IL18RAP: variants seen among roughly 807,000 people sequenced by gnomAD.
The protein encoded by IL18RAP is interleukin 18 receptor accessory protein.
IL18RAP carries 37 observed loss-of-function variants against 58.1 expected under a neutral mutation model. That is an observed-to-expected ratio of 0.64 (90% CI 0.49 to 0.84). IL18RAP has a LOEUF of 0.84. Among genes scored for constraint, IL18RAP ranks in the 40% least tolerant of loss-of-function variants. IL18RAP has a pLI of 0.00. For missense variants in IL18RAP, 667 were observed against 704.8 expected, an observed-to-expected ratio of 0.95 and a Z score of 0.61; for synonymous variants, 268 against 257.5, an observed-to-expected ratio of 1.04 and a Z score of -0.39.
chr2:102,424,150 C>G lies in IL18RAP; in HGVS notation c.395+15C>G. ...AAGATGATTAAGTATGATCCAAATA[C>G]ATTTCTATCTGAAAACATTTCCAAA... On this transcript the variant is annotated intron_variant, in intron 2 of 9. Transcript: ENST00000687160. The G allele has an allele frequency of 6.2e-7, 1 of 1,606,550 alleles. No individual in the cohort carries two copies. The highest frequency in any genetic ancestry group is 8.5e-7 in the Non-Finnish European group (1 of 1,175,004).
At chr2:102,427,908 C>A (rs1324456488) in intron 3 of IL18RAP, among the ~76,000 whole-genome samples, 1 of 151,044 alleles carries the variant, frequency 6.6e-6, no homozygotes. Flanking sequence ...ATTCTTCTCC[C>A]TGTAGATAGC....
intron 3 of IL18RAP, among the ~76,000 whole-genome samples, chr2:102,428,738 T>C (rs1682135464): frequency 6.6e-6 from 1 of 151,982 alleles, no homozygotes; most frequent in African/African-American, 2.4e-5. Flanking sequence ...CTTCCAGTGC[T>C]ATGATGAAAC....
At chr2:102,440,737 C>A (rs1241874331) in intron 4 of IL18RAP, among the ~76,000 whole-genome samples, 1 of 152,044 alleles carries the variant, frequency 6.6e-6, no homozygotes, top group Non-Finnish European at 1.5e-5. Context: ...ACAGCAAAGA[C>A]CCTGGATTTT....
chr2:102,440,224 AC>A (rs1396292360), intron 4 of IL18RAP: 1 of 152,602 alleles, frequency 6.6e-6, no homozygotes, highest in Non-Finnish European at 1.5e-5. Context: ...AGAGGAAGGG[AC>A]AGGCACAGAG....
intron 8 of IL18RAP, among the ~76,000 whole-genome samples, chr2:102,450,614 C>T (rs1043075432): frequency 2.6e-5 from 4 of 152,080 alleles, no homozygotes; most frequent in African/African-American, 9.7e-5. Context: ...AGCCATTTGA[C>T]CTAAAATCAG....
At chr2:102,423,489 T>C in intron 1 of IL18RAP, 142 bp downstream of exon 1, 1 of 798,576 alleles carries the variant, frequency 1.3e-6, no homozygotes. Flanking sequence ...AGGAGAATTA[T>C]TAGGGTGAAC....
intron 6 of IL18RAP, among the ~76,000 whole-genome samples, chr2:102,443,579 C>T (rs535182981): frequency 1.4e-4 from 22 of 152,294 alleles, no homozygotes; most frequent in African/African-American, 5.3e-4. Context: ...CTGACCCAGA[C>T]TGCTTGGAGA....
At position 102,423,824 on chromosome 2, in the gene IL18RAP, A is replaced by C; in HGVS notation, c.84A>C (p.Lys28Asn). The stretch of plus-strand genomic sequence containing the variant: ...TATGATTTTCAGGTTGTTCCACAAA[A>C]AAACTCCTTTGGACATATTCTACAA... ...KGFNISGCST[K>N]KLLWTYSTRS... The change falls in exon 2 of 10, where the codon AAA becomes AAC. Residue 28 changes from lysine (K) to asparagine (N), a missense_variant. Lys to Asn is a moderately conservative substitution (Grantham distance 94). Transcript: ENST00000687160. 1 of 1,611,150 alleles carries C rather than the reference A, an allele frequency of 6.2e-7. No individual in the cohort carries two copies. Among genetic ancestry groups the C allele is most frequent in the Non-Finnish European group, 8.5e-7 (1 of 1,177,882 alleles).
chr2:102,422,205 CCTT>C (rs1681619852), upstream of IL18RAP, among the ~76,000 whole-genome samples: 1 of 152,206 alleles, frequency 6.6e-6, no homozygotes, highest in Non-Finnish European at 1.5e-5. Flanking sequence ...ACTTTTCAGT[CCTT>C]CTCATGCCCA....
At chr2:102,431,697 G>A (rs56331791) in intron 3 of IL18RAP, among the ~76,000 whole-genome samples, 34,223 of 151,312 alleles carry the variant, frequency 0.23, 4,494 homozygotes, top group East Asian at 0.4. Context: ...TTATAGTTCA[G>A]GTATTATATT....
intron 8 of IL18RAP, among the ~76,000 whole-genome samples, chr2:102,448,780 T>A (rs918367727): frequency 6.6e-6 from 1 of 151,380 alleles, no homozygotes; most frequent in Non-Finnish European, 1.5e-5. Flanking sequence ...GGCAACATGG[T>A]GAAACCTGCC....
upstream of IL18RAP, among the ~76,000 whole-genome samples, chr2:102,421,417 G>A (rs777972136): frequency 6.6e-6 from 1 of 152,182 alleles, no homozygotes; most frequent in Non-Finnish European, 1.5e-5. Context: ...GGTGGTGGGA[G>A]CCGGTGACGT....
At chr2:102,423,080 G>C (rs1681678385), upstream of IL18RAP, 1 of 606,450 alleles carries the variant, frequency 1.6e-6, no homozygotes, top group Admixed American at 2.9e-5. Flanking sequence ...GCAAGTGAAG[G>C]CCGGTTTGGG....
upstream of IL18RAP, among the ~76,000 whole-genome samples, chr2:102,420,393 G>C (rs1414448686): frequency 1.3e-5 from 2 of 151,940 alleles, no homozygotes; most frequent in East Asian, 1.9e-4. Context: ...TAAGGGTTTC[G>C]GGTGATTCTT....
rs989581110 is a variant in IL18RAP at position 102,424,067 on chromosome 2, T to A, written c.327T>A (p.Cys109Ter). 6.2e-7 allele frequency: 1 copy of A among 1,614,128 alleles called. No homozygotes were observed. Among genetic ancestry groups the A allele is most frequent in the East Asian group, 2.2e-5 (1 of 44,880 alleles). ...KSYPHIIQDK[C>*]TLHFLTPGVN... ...ATCCTCACATCATTCAGGACAAATGTACCCTTCACTTTTTGACCCCAGGGG... is the reference window on the plus strand; with the variant it reads ...ATCCTCACATCATTCAGGACAAATGAACCCTTCACTTTTTGACCCCAGGGG... The change falls in exon 2 of 10, where the codon TGT becomes TGA. Residue 109 changes from cysteine (C) to a stop codon, truncating the protein, a stop_gained. Transcript: ENST00000687160. LOFTEE classifies it high-confidence loss of function.
At chr2:102,441,427 G>T (rs1292272299) in intron 5 of IL18RAP, 50 bp downstream of exon 5, 1 of 1,430,814 alleles carries the variant, frequency 7.0e-7, no homozygotes, top group Non-Finnish European at 9.8e-7. Flanking sequence ...CTGGGAGCAG[G>T]TCTAAGTGTG....
intron 7 of IL18RAP, among the ~76,000 whole-genome samples, chr2:102,445,841 A>G: frequency 6.6e-6 from 1 of 152,014 alleles, no homozygotes; most frequent in East Asian, 1.9e-4. Flanking sequence ...AAGCTGGAGT[A>G]GAAATTCTAG....
intron 8 of IL18RAP, among the ~76,000 whole-genome samples, chr2:102,449,043 C>T (rs58625805): frequency 3.6e-4 from 26 of 73,004 alleles, no homozygotes; most frequent in African/African-American, 2.0e-3. Flanking sequence ...TCCAGGTGGG[C>T]GGATCACTTG....
chr2:102,443,997 G>A (rs1046922404), intron 6 of IL18RAP, among the ~76,000 whole-genome samples: 4 of 152,164 alleles, frequency 2.6e-5, no homozygotes, highest in Non-Finnish European at 5.9e-5. Context: ...TTGATCTCCA[G>A]TCCCCAGAAG....
Sources: allele counts gnomAD v4.1 joint callset (sites outside exome capture counted in the v4.1 genomes callset), GRCh38; gene constraint gnomAD v4.1.1; transcripts MANE v1.5; gene names NCBI Gene and HGNC (gene_info 2026-07-23, HGNC 2026-07-21).